Variants in ST8SIA2 observed in about 807,000 individuals in gnomAD.
ST8SIA2 encodes alpha-2,8-sialyltransferase 8B.
ST8SIA2 carries 22 observed loss-of-function variants against 37.6 expected under a neutral mutation model. The observed-to-expected ratio is 0.58, with a 90% CI of 0.42 to 0.83. ST8SIA2 has a LOEUF of 0.83. ST8SIA2 is among the 40% of genes least tolerant of loss of function. The probability of loss-of-function intolerance (pLI) is 0.00; values close to 1 mark genes in which losing one functional copy is unlikely to be tolerated. For synonymous variants in ST8SIA2, 205 were observed against 201.2 expected, an observed-to-expected ratio of 1.02 and a Z score of -0.16; for missense variants, 382 against 484.7, an observed-to-expected ratio of 0.79 and a Z score of 1.99.
intron 1 of ST8SIA2, among the ~76,000 whole-genome samples, chr15:92,404,545 G>C (rs1163254772): frequency 6.6e-6 from 1 of 152,022 alleles, no homozygotes; most frequent in Non-Finnish European, 1.5e-5. Flanking sequence ...GCAGGGGCCA[G>C]GTGTGGTGGC....
At chr15:92,436,832 A>G (rs1442329352) in intron 3 of ST8SIA2, among the ~76,000 whole-genome samples, 1 of 152,200 alleles carries the variant, frequency 6.6e-6, no homozygotes, top group East Asian at 1.9e-4. Context: ...GAGCTTACCA[A>G]GTGTTCTAGC....
chr15:92,432,193 T>A (rs1414309779), intron 2 of ST8SIA2, among the ~76,000 whole-genome samples: 1 of 152,128 alleles, frequency 6.6e-6, no homozygotes, highest in Non-Finnish European at 1.5e-5. Flanking sequence ...TCAGCTAGCC[T>A]CTTAGTGCGA....
At chr15:92,447,639 T>C (rs968513756) in intron 5 of ST8SIA2, among the ~76,000 whole-genome samples, 4 of 152,158 alleles carry the variant, frequency 2.6e-5, no homozygotes, top group Non-Finnish European at 5.9e-5. Context: ...ATGGTGACTG[T>C]GGTCACCCAA....
chr15:92,434,129 C>CAA (rs1432034609), intron 2 of ST8SIA2, 118 bp from the exon 3 acceptor site: 11 of 1,427,226 alleles, frequency 7.7e-6, no homozygotes, highest in Non-Finnish European at 1.1e-5. Flanking sequence ...GTAATAACTG[C>CAA]AATTTTGCTC....
chr15:92,395,828 T>C (rs2049426683), intron 1 of ST8SIA2, among the ~76,000 whole-genome samples: 1 of 152,240 alleles, frequency 6.6e-6, no homozygotes. Flanking sequence ...GGCCCGGCGC[T>C]GCCCATTGTC....
intron 1 of ST8SIA2, among the ~76,000 whole-genome samples, chr15:92,404,447 A>G (rs1420777018): frequency 6.6e-6 from 1 of 152,174 alleles, no homozygotes; most frequent in Non-Finnish European, 1.5e-5. Flanking sequence ...TATGGAAAAC[A>G]GTATGACGGT....
chr15:92,445,796 C>G (rs1004375240), intron 5 of ST8SIA2, among the ~76,000 whole-genome samples: 7 of 152,164 alleles, frequency 4.6e-5, no homozygotes, highest in African/African-American at 1.7e-4. Flanking sequence ...CTGAACTATT[C>G]CTATCAAGAA....
rs566905238 is a variant in ST8SIA2, at chr15:92,460,568, G to T, written c.843-3532G>T. On this transcript the variant is annotated intron_variant, in intron 5 of 5. Coordinates refer to ENST00000268164, the MANE Select transcript of ST8SIA2 (RefSeq NM_006011.4). ...TGCCCCTCAAAGCCTCCCAAGCTTA[G>T]CTCCGTTGAGCGTAGATGCTGCCGA... Among the ~76,000 whole-genome samples, 3 of 152,314 alleles carry T rather than the reference G, an allele frequency of 2.0e-5. No individual in the cohort carries two copies. The East Asian group carries it at 5.8e-4, about 29-fold the overall frequency.
chr15:92,408,318 A>G (rs12438804), intron 1 of ST8SIA2, among the ~76,000 whole-genome samples: 21,328 of 151,050 alleles, frequency 0.14, 2,532 homozygotes, highest in African/African-American at 0.32. Context: ...GAAGCTCCCT[A>G]CCTCTCTCTG....
At chr15:92,436,847 C>T (rs1157921329) in intron 3 of ST8SIA2, among the ~76,000 whole-genome samples, 1 of 152,164 alleles carries the variant, frequency 6.6e-6, no homozygotes. Flanking sequence ...TCTAGCTGCC[C>T]CCTGGCTGCC....
intron 1 of ST8SIA2, among the ~76,000 whole-genome samples, chr15:92,416,590 G>C (rs549596003): frequency 6.6e-6 from 1 of 152,266 alleles, no homozygotes; most frequent in South Asian, 2.1e-4. Context: ...TGGCCTAAGG[G>C]GTACTTCAGG....
intron 4 of ST8SIA2, among the ~76,000 whole-genome samples, chr15:92,442,430 C>G (rs1298764309): frequency 6.6e-6 from 1 of 152,138 alleles, no homozygotes; most frequent in Non-Finnish European, 1.5e-5. Flanking sequence ...CTTCACCCCT[C>G]GTGAGCCGCC....
intron 5 of ST8SIA2, among the ~76,000 whole-genome samples, chr15:92,452,832 T>C (rs909026576): frequency 6.6e-6 from 1 of 152,076 alleles, no homozygotes; most frequent in African/African-American, 2.4e-5. Flanking sequence ...TTTCTACTCA[T>C]AAGGAAATTA....
intron 1 of ST8SIA2, among the ~76,000 whole-genome samples, chr15:92,409,882 C>CA (rs760910594): frequency 2.6e-5 from 4 of 152,246 alleles, no homozygotes; most frequent in Non-Finnish European, 4.4e-5. Context: ...CAGGTGCTTA[C>CA]AAGCCCTGTG....
intron 1 of ST8SIA2, among the ~76,000 whole-genome samples, chr15:92,413,523 A>T (rs2049565102): frequency 6.6e-6 from 1 of 152,076 alleles, no homozygotes; most frequent in Admixed American, 6.6e-5. Context: ...GCCATGTCCC[A>T]TTTCCCTCCT....
At chr15:92,443,689 C>T (rs1422587563) in intron 4 of ST8SIA2, among the ~76,000 whole-genome samples, 2 of 152,090 alleles carry the variant, frequency 1.3e-5, no homozygotes, top group African/African-American at 2.4e-5. Flanking sequence ...ATGCTCCAGT[C>T]GGACCAGATC....
chr15:92,428,282 A>C (rs996065939), intron 1 of ST8SIA2, among the ~76,000 whole-genome samples: 6 of 152,188 alleles, frequency 3.9e-5, no homozygotes, highest in Non-Finnish European at 8.8e-5. Flanking sequence ...AAAACTGGTG[A>C]TAGGGATCTG....
chr15:92,444,780 C>G lies in ST8SIA2; in HGVS notation c.693C>G (p.His231Gln), dbSNP rs750936086. The change falls in exon 5 of 6, where the codon CAC (histidine) becomes CAG (glutamine). Residue 231 changes from histidine to glutamine, a missense_variant. Physicochemically the swap from His to Gln is conservative, Grantham distance 24 (BLOSUM62 0). Coordinates refer to ENST00000268164, the MANE Select transcript of ST8SIA2 (RefSeq NM_006011.4). ...TWREKLLQRL[H>Q]SLNGSILWIP... Reference sequence around the variant, plus strand: ...GGGAGAAGCTGCTGCAACGGCTGCACAGCCTCAATGGCAGCATCCTGTGGA... The same window carrying G: ...GGGAGAAGCTGCTGCAACGGCTGCAGAGCCTCAATGGCAGCATCCTGTGGA... 3 of 1,614,134 alleles carry G rather than the reference C, an allele frequency of 1.9e-6. No individual in the cohort carries two copies. The South Asian group carries it at 3.3e-5, about 18-fold the overall frequency.
chr15:92,464,235 A>G lies in ST8SIA2; in HGVS notation c.978A>G (p.Pro326=), dbSNP rs771299487. 2.0e-5 allele frequency: 32 copies of G among 1,613,958 alleles called. No homozygotes were observed. The highest frequency in any genetic ancestry group is 2.6e-5 in the Non-Finnish European group (31 of 1,180,014). Residue 326 remains proline (P), a synonymous_variant, in exon 6 of 6, where the codon CCA becomes CCG. Transcript: ENST00000268164. The part of the protein sequence containing the change: ...WPFPLDQNQN[P]VKYHYYDSLK... ...TTCCGCTGGATCAGAACCAGAACCCAGTCAAGTACCACTATTATGACAGCC... is the reference window on the plus strand; with the variant it reads ...TTCCGCTGGATCAGAACCAGAACCCGGTCAAGTACCACTATTATGACAGCC...
Sources: gnomAD v4.1 joint callset for allele counts (sites outside exome capture counted in the v4.1 genomes callset) on GRCh38, gnomAD v4.1.1 for gene constraint, MANE v1.5 for transcripts, NCBI Gene and HGNC (gene_info 2026-07-23, HGNC 2026-07-21) for gene names.